The following BCAS3 variants were observed in gnomAD, a reference collection of about 807,000 sequenced individuals.
The protein encoded by BCAS3 is BCAS4/BCAS3 fusion.
A neutral mutation model predicts 116.1 loss-of-function variants in BCAS3; 53 were observed. That is an observed-to-expected ratio of 0.46 (90% CI 0.37 to 0.57). The LOEUF is 0.57. Ranked by LOEUF, BCAS3 falls within the 20% of genes least tolerant of loss-of-function variation. The pLI is 0.00. For missense variants in BCAS3, 917 were observed against 1,165.4 expected (o/e 0.79, Z 3.10); for synonymous variants, 391 against 408.2 (o/e 0.96, Z 0.51).
At chr17:60,838,568 C>T (rs1307781412) in intron 7 of BCAS3, among the ~76,000 whole-genome samples, 1 of 151,614 alleles carries the variant, frequency 6.6e-6, no homozygotes, top group Non-Finnish European at 1.5e-5. Flanking sequence ...GGTCAGCAAA[C>T]TTTCTCCTGC....
rs1376823666 is a variant in BCAS3 at position 61,126,982 on chromosome 17, C to T, written c.2425+42418C>T. ...GCCCAAGGTTATACACCCTTCGTCA[C>T]AGGCACTTAAGTTTTAGATTGCATT... is the stretch of plus-strand genomic sequence containing the variant. On this transcript the variant is annotated intron_variant, in intron 22 of 23. Transcript: ENST00000407086. The surrounding 1 kb of genome is among the most constrained non-coding windows in gnomAD (Gnocchi z 4.6). Among the ~76,000 whole-genome samples, 4 of 152,116 alleles carry T rather than the reference C, an allele frequency of 2.6e-5. No individual in the cohort carries two copies. Among genetic ancestry groups the T allele is most frequent in the African/African-American group, 7.2e-5 (3 of 41,416 alleles).
intron 4 of BCAS3, among the ~76,000 whole-genome samples, chr17:60,698,183 C>CAAAAAA (rs759028839): frequency 3.6e-4 from 20 of 55,254 alleles, no homozygotes; most frequent in African/African-American, 9.2e-4. Context: ...CTCCGTCTCA[C>CAAAAAA]AAAAAAAAAA....
In BCAS3 at chr17:61,139,179, G is replaced by A. The variant is rs945641879; in HGVS notation, c.2425+54615G>A. 2.2e-4 allele frequency among the ~76,000 whole-genome samples: 33 copies of A among 152,100 alleles called. No homozygotes were observed. Among genetic ancestry groups the A allele is most frequent in the African/African-American group, 6.8e-4 (28 of 41,478 alleles). ...GCTAGTGATAGAAGTTCTGAATTAC[G>A]GATACATTCTTAGGCTTAAAGAGTA... On this transcript the variant is annotated intron_variant, in intron 22 of 23. Transcript: ENST00000407086. This position sits in a 1 kb window ranked among gnomAD's most constrained non-coding sequence, Gnocchi z 4.7.
At chr17:60,913,547 G>C (rs1383272463) in intron 12 of BCAS3, among the ~76,000 whole-genome samples, 2 of 152,020 alleles carry the variant, frequency 1.3e-5, no homozygotes, top group African/African-American at 4.8e-5. Flanking sequence ...GATTATGCTG[G>C]ATTGTATTAA....
At chr17:61,109,054 TACATG>T (rs2074874935) in intron 22 of BCAS3, among the ~76,000 whole-genome samples, 1 of 151,842 alleles carries the variant, frequency 6.6e-6, no homozygotes, top group African/African-American at 2.4e-5. Context: ...GGCGTGGTAG[TACATG>T]CCTGTAATCC....
intron 22 of BCAS3, among the ~76,000 whole-genome samples, chr17:61,120,739 T>C (rs1601405786): frequency 6.6e-6 from 1 of 152,146 alleles, no homozygotes; most frequent in Non-Finnish European, 1.5e-5. Context: ...AACAAAGTAT[T>C]ATCATGCCTG....
At chr17:60,969,970 G>A (rs898130351) in intron 14 of BCAS3, among the ~76,000 whole-genome samples, 1 of 152,138 alleles carries the variant, frequency 6.6e-6, no homozygotes, top group Non-Finnish European at 1.5e-5. Context: ...CAGTAAAGGC[G>A]AGACATCCAC....
At chr17:60,866,622 T>C (rs138705726) in intron 7 of BCAS3, among the ~76,000 whole-genome samples, 1 of 152,198 alleles carries the variant, frequency 6.6e-6, no homozygotes, top group African/African-American at 2.4e-5. Context: ...ATTTTTTGTT[T>C]TGAGGATTTT....
At chr17:60,926,908 A>T (rs1391511293) in intron 13 of BCAS3, among the ~76,000 whole-genome samples, 2 of 152,228 alleles carry the variant, frequency 1.3e-5, no homozygotes, top group African/African-American at 4.8e-5. Flanking sequence ...AAGGTTAAAA[A>T]TAGCAATATT....
chr17:61,351,232 G>A (rs1386292561), intron 22 of BCAS3, among the ~76,000 whole-genome samples: 5 of 152,174 alleles, frequency 3.3e-5, no homozygotes, highest in Non-Finnish European at 7.3e-5. Flanking sequence ...TGAGTATCTC[G>A]TGCAATATTA....
intron 22 of BCAS3, among the ~76,000 whole-genome samples, chr17:61,232,332 C>T (rs1280965948): frequency 6.7e-6 from 1 of 150,254 alleles, no homozygotes; most frequent in Non-Finnish European, 1.5e-5. Context: ...GCAATTAATT[C>T]TGGATAGACG....
chr17:61,081,306 G>A (rs1311123091), intron 21 of BCAS3, among the ~76,000 whole-genome samples: 1 of 151,970 alleles, frequency 6.6e-6, no homozygotes. Context: ...CCATTGTTTC[G>A]TGGCCTCCTC....
chr17:61,240,469 G>C (rs1232596784), intron 22 of BCAS3, among the ~76,000 whole-genome samples: 6 of 152,070 alleles, frequency 3.9e-5, no homozygotes. Context: ...TGGCCAACAT[G>C]GTGAAACCCC....
At position 61,188,150 on chromosome 17, in the gene BCAS3, G is replaced by T. The variant is rs1324946806; in HGVS notation, c.2425+103586G>T. 6.6e-6 allele frequency among the ~76,000 whole-genome samples: 1 copy of T among 152,210 alleles called. No individual in the cohort carries two copies. The highest frequency in any genetic ancestry group is 1.5e-5 in the Non-Finnish European group (1 of 68,048). The stretch of plus-strand genomic sequence containing the variant: ...GGCAGAATTGTAGGATTTCAGGGAT[G>T]TCTTCACCCCTAAAACAATCTCTCC... On this transcript the variant is annotated intron_variant, in intron 22 of 23. Coordinates refer to ENST00000407086, the MANE Select transcript of BCAS3 (RefSeq NM_017679.5). This position sits in a 1 kb window ranked among gnomAD's most constrained non-coding sequence, Gnocchi z 4.0.
intron 12 of BCAS3, among the ~76,000 whole-genome samples, chr17:60,911,872 A>G (rs2058534200): frequency 6.6e-6 from 1 of 152,248 alleles, no homozygotes; most frequent in African/African-American, 2.4e-5. Flanking sequence ...ATATAAAAAT[A>G]TGTGAAATCT....
chr17:60,961,904 CT>C lies in BCAS3; in HGVS notation c.1221+14556del, dbSNP rs1178697987. Among the ~76,000 whole-genome samples, 1 of 152,158 alleles carries C rather than the reference CT, an allele frequency of 6.6e-6. No individual in the cohort carries two copies. Among genetic ancestry groups the C allele is most frequent in the Non-Finnish European group, 1.5e-5 (1 of 68,032 alleles). The stretch of plus-strand genomic sequence containing the variant: ...GAACTACAAAAGGATCAAAGATCCA[CT>C]TTTGTAGTTCCCACCTAGGAGTGAG... On this transcript the variant is annotated intron_variant, in intron 14 of 23. Coordinates refer to ENST00000407086, the MANE Select transcript of BCAS3 (RefSeq NM_017679.5). This position sits in a 1 kb window ranked among gnomAD's most constrained non-coding sequence, Gnocchi z 4.8.
intron 13 of BCAS3, among the ~76,000 whole-genome samples, chr17:60,935,204 G>T (rs1348235637): frequency 1.3e-5 from 2 of 152,084 alleles, no homozygotes; most frequent in African/African-American, 4.8e-5. Flanking sequence ...CCATGCATCT[G>T]AAGTCTAAAA....
At chr17:61,260,327 C>T (rs553567663) in intron 22 of BCAS3, among the ~76,000 whole-genome samples, 2 of 152,114 alleles carry the variant, frequency 1.3e-5, no homozygotes, top group Admixed American at 1.3e-4. Flanking sequence ...ACCCATAGTA[C>T]GTTAGACAAA....
chr17:60,990,738 C>T lies in BCAS3; in HGVS notation c.1486+503C>T, dbSNP rs1031010735. Among the ~76,000 whole-genome samples, 2 of 151,964 alleles carry T rather than the reference C, an allele frequency of 1.3e-5. No individual in the cohort carries two copies. On this transcript the variant is annotated intron_variant, in intron 15 of 23. Coordinates refer to ENST00000407086, the MANE Select transcript of BCAS3 (RefSeq NM_017679.5). The surrounding 1 kb of genome is among the most constrained non-coding windows in gnomAD (Gnocchi z 5.1). ...CTCGGCTGACTGCAACCTCTACCTC[C>T]CAGGTTCAAGCAATTCTCCTGCCTC...
Sources: gnomAD v4.1 joint callset for allele counts (sites outside exome capture counted in the v4.1 genomes callset) on GRCh38, gnomAD v4.1.1 for gene constraint, Gnocchi (gnomAD v3.1) non-coding constraint, MANE v1.5 for transcripts, NCBI Gene and HGNC (gene_info 2026-07-23, HGNC 2026-07-21) for gene names.